Variants in PLEKHM1 observed in about 807,000 individuals in gnomAD.
PLEKHM1 encodes pleckstrin homology domain-containing family M member 1.
A neutral mutation model predicts 94.3 loss-of-function variants in PLEKHM1; 28 were observed. The ratio of observed to expected loss-of-function variants is 0.30; its 90% CI spans 0.22 to 0.41. PLEKHM1 has a LOEUF of 0.41. Among genes scored for constraint, PLEKHM1 ranks in the 10% least tolerant of loss-of-function variants. PLEKHM1 has a pLI of 1.00. For missense variants in PLEKHM1, 907 were observed against 1,358.6 expected, an observed-to-expected ratio of 0.67 and a Z score of 5.22; for synonymous variants, 424 against 581.2, an observed-to-expected ratio of 0.73 and a Z score of 3.89.
At chr17:45,485,044 G>A (rs937960564) in intron 1 of PLEKHM1, among the ~76,000 whole-genome samples, 24 of 151,146 alleles carry the variant, frequency 1.6e-4, no homozygotes, top group Non-Finnish European at 2.7e-4. Context: ...GTAACAGGCC[G>A]GGTGCTGCAG....
chr17:45,447,069 T>C (rs2050629745), intron 8 of PLEKHM1, among the ~76,000 whole-genome samples: 1 of 152,210 alleles, frequency 6.6e-6, no homozygotes, highest in Non-Finnish European at 1.5e-5. Context: ...CCAGGAGAGC[T>C]CCTGGCATAG....
In PLEKHM1 at chr17:45,473,575, T is replaced by C. The variant is rs140297219; in HGVS notation, c.923+1525A>G. On this transcript the variant is annotated intron_variant, in intron 4 of 11. Transcript: ENST00000430334. ...TTAAAAATCTTTTATTTTTTTTTTT[T>C]TGGGACAGAGTCTCACTCTGTCACC... Among the ~76,000 whole-genome samples, 16 of 152,230 alleles carry C rather than the reference T, an allele frequency of 1.1e-4. No homozygotes were observed. The East Asian group carries it at 2.9e-3, about 27-fold the overall frequency.
intron 4 of PLEKHM1, among the ~76,000 whole-genome samples, chr17:45,473,220 C>T (rs151184436): frequency 0.031 from 4,682 of 152,148 alleles, 100 homozygotes; most frequent in Middle Eastern, 0.054. Flanking sequence ...AACACAGGCC[C>T]CAGCACCCAT....
intron 5 of PLEKHM1, among the ~76,000 whole-genome samples, chr17:45,465,864 T>C (rs2051305113): frequency 1.3e-5 from 2 of 152,150 alleles, no homozygotes; most frequent in South Asian, 4.2e-4. Flanking sequence ...TGCCTGAGCC[T>C]GCAAAGCAGA....
At chr17:45,457,908 A>G (rs2051016106) in intron 6 of PLEKHM1, among the ~76,000 whole-genome samples, 1 of 152,134 alleles carries the variant, frequency 6.6e-6, no homozygotes, top group Non-Finnish European at 1.5e-5. Context: ...TAAATTGCAT[A>G]GTTTTCAGGG....
intron 6 of PLEKHM1, 24 bp downstream of exon 6, chr17:45,458,145 C>A: frequency 6.2e-7 from 1 of 1,609,918 alleles, no homozygotes; most frequent in South Asian, 1.1e-5. Flanking sequence ...ATGGGACCCA[C>A]CCGGGACCCT....
At chr17:45,465,940 C>T (rs2051307650) in intron 5 of PLEKHM1, among the ~76,000 whole-genome samples, 1 of 152,026 alleles carries the variant, frequency 6.6e-6, no homozygotes, top group Admixed American at 6.6e-5. Flanking sequence ...GTGGGGCGCA[C>T]AGCCTGCATC....
downstream of PLEKHM1, among the ~76,000 whole-genome samples, chr17:45,434,745 A>G (rs571925820): frequency 6.6e-6 from 1 of 152,138 alleles, no homozygotes; most frequent in Non-Finnish European, 1.5e-5. Flanking sequence ...ATGCCGGGGT[A>G]CATCAGCTAT....
intron 2 of PLEKHM1, among the ~76,000 whole-genome samples, chr17:45,480,273 A>G (rs931175772): frequency 1.3e-5 from 2 of 152,218 alleles, no homozygotes; most frequent in African/African-American, 4.8e-5. Context: ...ACCTGAGGTC[A>G]GGAGTTCGAG....
chr17:45,474,358 CA>C (rs200900147), intron 4 of PLEKHM1, among the ~76,000 whole-genome samples: 3 of 151,696 alleles, frequency 2.0e-5, no homozygotes, highest in Non-Finnish European at 2.9e-5. Flanking sequence ...TGCCCAGCTG[CA>C]AAAAAATGTT....
chr17:45,438,343 C>CT (rs1245694146), intron 11 of PLEKHM1, among the ~76,000 whole-genome samples: 23 of 151,986 alleles, frequency 1.5e-4, no homozygotes, highest in African/African-American at 5.6e-4. Context: ...ACCATCCTGG[C>CT]TAACACAGTG....
chr17:45,472,649 T>C (rs538431993), intron 4 of PLEKHM1, among the ~76,000 whole-genome samples: 2 of 152,162 alleles, frequency 1.3e-5, no homozygotes, highest in African/African-American at 4.8e-5. Context: ...TCTATCTAAA[T>C]TCCTCCATTT....
chr17:45,474,862 G>A (rs910456851), intron 4 of PLEKHM1, among the ~76,000 whole-genome samples: 76 of 152,166 alleles, frequency 5.0e-4, no homozygotes, highest in African/African-American at 1.8e-3. Context: ...CCGGGGCAGA[G>A]CTGGAGCCCA....
At chr17:45,490,463 G>C (rs1034446359) in intron 1 of PLEKHM1, among the ~76,000 whole-genome samples, 189 bp downstream of exon 1, 4 of 152,098 alleles carry the variant, frequency 2.6e-5, no homozygotes, top group African/African-American at 9.7e-5. Flanking sequence ...CACAGCGGCG[G>C]TGCAGGGGGA....
chr17:45,489,260 G>A lies in PLEKHM1; in HGVS notation c.-42+1392C>T, dbSNP rs2868659. ...ACCTATACTCTTCACAACAGGTAAC[G>A]TTGCCTCTGGCACCCATCATATCCC... On this transcript the variant is annotated intron_variant, in intron 1 of 11. Coordinates refer to ENST00000430334, the MANE Select transcript of PLEKHM1 (RefSeq NM_014798.3). Among the ~76,000 whole-genome samples the A allele has an allele frequency of 3.9e-5, 6 of 152,168 alleles. No individual in the cohort carries two copies. In the South Asian group the frequency reaches 6.2e-4, roughly 16 times the overall value.
At position 45,436,836 on chromosome 17, in the gene PLEKHM1, G is replaced by A. The variant is rs1304592205; in HGVS notation, c.*1022C>T. On this transcript the variant is annotated 3_prime_UTR_variant, in exon 12 of 12. Coordinates refer to ENST00000430334, the MANE Select transcript of PLEKHM1 (RefSeq NM_014798.3). Reference sequence around the variant, plus strand: ...GCACGCCCTGCACAGCTTAGGACCAGGTCACTTCTCCACAGTGCAGGGCGT... The same window carrying A: ...GCACGCCCTGCACAGCTTAGGACCAAGTCACTTCTCCACAGTGCAGGGCGT... The A allele has an allele frequency of 2.2e-6, 1 of 454,168 alleles. No homozygotes were observed. Among genetic ancestry groups the A allele is most frequent in the Non-Finnish European group, 4.4e-6 (1 of 226,788 alleles). 28.1% of individuals were successfully genotyped at this position (454,168 alleles called of 1,614,324 possible).
downstream of PLEKHM1, among the ~76,000 whole-genome samples, chr17:45,434,829 A>C (rs996675556): frequency 4.0e-5 from 6 of 151,796 alleles, no homozygotes; most frequent in African/African-American, 1.5e-4. Flanking sequence ...CCTCCTTCAG[A>C]GAGAAGAGGA....
rs374066822 is a variant in PLEKHM1, at chr17:45,481,192, G to A, written c.48+1245C>T. ...ATGAGCATCTTTATTGGCCATGTGT[G>A]TATCTTCTTTGGAGAAGGGTCTATT... On this transcript the variant is annotated intron_variant, in intron 2 of 11. Transcript: ENST00000430334. Among the ~76,000 whole-genome samples, 29 of 152,044 alleles carry A rather than the reference G, an allele frequency of 1.9e-4. 1 individual carries two copies. In the East Asian group the frequency reaches 2.3e-3, roughly 12 times the overall value.
intron 9 of PLEKHM1, 82 bp from the exon 10 acceptor site, chr17:45,440,308 C>T (rs977493587): frequency 2.3e-5 from 32 of 1,365,656 alleles, no homozygotes; most frequent in African/African-American, 5.7e-5. Flanking sequence ...ACTCCCCTGG[C>T]GCTGCTCACC....
Sources: allele counts gnomAD v4.1 joint callset (sites outside exome capture counted in the v4.1 genomes callset), GRCh38; gene constraint gnomAD v4.1.1; transcripts MANE v1.5; gene names NCBI Gene and HGNC (gene_info 2026-07-23, HGNC 2026-07-21).